Variants in BMPR1B observed in about 807,000 individuals in gnomAD.
BMPR1B encodes the protein bone morphogenetic protein receptor type-1B.
BMPR1B carries 12 observed loss-of-function variants against 59.1 expected under a neutral mutation model. The ratio of observed to expected loss-of-function variants is 0.20; its 90% CI spans 0.13 to 0.33. The LOEUF (loss-of-function observed/expected upper bound fraction) is 0.33. BMPR1B is among the 10% of genes least tolerant of loss of function. The pLI is 1.00. For synonymous variants in BMPR1B, 237 were observed against 207.3 expected, an observed-to-expected ratio of 1.14 and a Z score of -1.23; for missense variants, 550 against 610.9, an observed-to-expected ratio of 0.90 and a Z score of 1.05.
chr4:95,104,251 T>G, intron 3 of BMPR1B, 157 bp from the exon 4 acceptor site: 1 of 858,092 alleles, frequency 1.2e-6, no homozygotes, highest in Non-Finnish European at 1.8e-6. Flanking sequence ...GTAAAAGACA[T>G]GATTTTAATC....
intron 4 of BMPR1B, among the ~76,000 whole-genome samples, chr4:95,109,603 A>G (rs1436068539): frequency 6.6e-6 from 1 of 152,038 alleles, no homozygotes; most frequent in African/African-American, 2.4e-5. Flanking sequence ...CAGGCCATTT[A>G]AATATTGATC....
chr4:94,910,704 T>C (rs1202263159), intron 2 of BMPR1B, among the ~76,000 whole-genome samples: 1 of 151,992 alleles, frequency 6.6e-6, no homozygotes, highest in Non-Finnish European at 1.5e-5. Flanking sequence ...GGCCAGAAGT[T>C]TGAGACCAGC....
At chr4:94,929,304 G>A (rs2149032277) in intron 2 of BMPR1B, among the ~76,000 whole-genome samples, 1 of 152,186 alleles carries the variant, frequency 6.6e-6, no homozygotes, top group East Asian at 1.9e-4. Context: ...GAATCACTTG[G>A]AGCATTTAAT....
In BMPR1B at chr4:94,980,473, C is replaced by A. The variant is rs1358046439; in HGVS notation, c.-112-15567C>A. Among the ~76,000 whole-genome samples the A allele has an allele frequency of 2.0e-5, 3 of 152,152 alleles. No individual in the cohort carries two copies. The East Asian group carries it at 5.8e-4, about 29-fold the overall frequency. On this transcript the variant is annotated intron_variant, in intron 2 of 12. Coordinates refer to ENST00000515059, the MANE Select transcript of BMPR1B (RefSeq NM_001203.3). ...AAAAAAAATTGATTCCCAGCCAAGGCCCCTCTTTGTATGGAGTCTGGCTTT... is the reference window on the plus strand; with the variant it reads ...AAAAAAAATTGATTCCCAGCCAAGGACCCTCTTTGTATGGAGTCTGGCTTT...
chr4:94,937,719 G>GACACACACACACACACAGAC (rs1560556638), intron 2 of BMPR1B, among the ~76,000 whole-genome samples: 187 of 147,706 alleles, frequency 1.3e-3, no homozygotes, highest in African/African-American at 4.1e-3. Context: ...CACACACACA[G>GACACACACACACACACAGAC]ACACACACAC....
At chr4:94,837,156 C>A (rs1724855852) in intron 1 of BMPR1B, among the ~76,000 whole-genome samples, 1 of 146,360 alleles carries the variant, frequency 6.8e-6, no homozygotes, top group Admixed American at 6.8e-5. Flanking sequence ...GTTTTGGTTA[C>A]TGTAGCCTTG....
intron 1 of BMPR1B, among the ~76,000 whole-genome samples, chr4:94,845,621 C>T (rs774586389): frequency 1.3e-5 from 2 of 152,092 alleles, no homozygotes; most frequent in Non-Finnish European, 1.5e-5. Context: ...GGATTACAGG[C>T]GTGAGCCATC....
intron 2 of BMPR1B, among the ~76,000 whole-genome samples, chr4:94,980,070 T>G (rs1291055267): frequency 6.6e-6 from 1 of 152,162 alleles, no homozygotes; most frequent in Non-Finnish European, 1.5e-5. Context: ...TCCCTGTAGC[T>G]CTCTTAAAAG....
At chr4:94,884,092 G>A (rs944815239) in intron 2 of BMPR1B, among the ~76,000 whole-genome samples, 10 of 152,048 alleles carry the variant, frequency 6.6e-5, no homozygotes, top group Non-Finnish European at 1.3e-4. Context: ...CCAATCTAAC[G>A]TCCCCCTTGA....
In BMPR1B at chr4:94,758,080, G is replaced by C. The variant is rs894931155; in HGVS notation, c.-183+12G>C. The C allele has an allele frequency of 6.1e-5, 9 of 148,408 alleles. No homozygotes were observed. Among genetic ancestry groups the C allele is most frequent in the African/African-American group, 2.0e-4 (8 of 40,962 alleles). 9.2% of individuals were successfully genotyped at this position (148,408 alleles called of 1,614,324 possible). A position where few individuals can be genotyped will look rare whatever the true frequency, so the allele number is the denominator to read the frequency against. On this transcript the variant is annotated intron_variant, in intron 1 of 12. Transcript: ENST00000515059. ...GAGCGCAGCCGCGGGTAAGGCGCGCGCGGCGGGGCCCCGTCCCCTGCGGGT... is the reference window on the plus strand; with the variant it reads ...GAGCGCAGCCGCGGGTAAGGCGCGCCCGGCGGGGCCCCGTCCCCTGCGGGT...
At chr4:95,069,801 T>G (rs562804436) in intron 3 of BMPR1B, among the ~76,000 whole-genome samples, 2 of 152,264 alleles carry the variant, frequency 1.3e-5, no homozygotes, top group African/African-American at 4.8e-5. Context: ...AATGGATATT[T>G]TAGAAACTGT....
chr4:95,091,276 T>TTTTTG (rs772890522), intron 3 of BMPR1B, among the ~76,000 whole-genome samples: 104 of 145,086 alleles, frequency 7.2e-4, no homozygotes, highest in African/African-American at 2.3e-3. Flanking sequence ...TTTTCTTTTT[T>TTTTTG]TTTTGTTTTG....
intron 2 of BMPR1B, among the ~76,000 whole-genome samples, chr4:94,926,055 C>CG (rs1728875373): frequency 1.2e-5 from 1 of 82,884 alleles, no homozygotes; most frequent in African/African-American, 6.3e-5. Context: ...CCTACCCTCC[C>CG]TCCCCCCCAA....
chr4:94,818,166 A>G (rs1191698379), intron 1 of BMPR1B, among the ~76,000 whole-genome samples: 2 of 152,214 alleles, frequency 1.3e-5, no homozygotes, highest in Middle Eastern at 3.4e-3. Context: ...TTAAAGGACT[A>G]TTTTATACAA....
intron 1 of BMPR1B, among the ~76,000 whole-genome samples, chr4:94,848,411 T>A (rs937562285): frequency 7.9e-5 from 12 of 152,268 alleles, no homozygotes; most frequent in Admixed American, 5.9e-4. Flanking sequence ...CGTTTTATAT[T>A]GGGGGAAGAC....
intron 10 of BMPR1B, among the ~76,000 whole-genome samples, chr4:95,148,240 A>G (rs891627570): frequency 6.6e-6 from 1 of 152,172 alleles, no homozygotes. Flanking sequence ...TGAAATTGTC[A>G]TGTGTGCATG....
At chr4:94,841,401 A>G (rs542524016) in intron 1 of BMPR1B, among the ~76,000 whole-genome samples, 113 of 151,284 alleles carry the variant, frequency 7.5e-4, no homozygotes, top group African/African-American at 2.7e-3. Context: ...CTGCTGTGCT[A>G]GCAATCAGGG....
chr4:95,122,441 A>AT (rs1732599033), intron 6 of BMPR1B, among the ~76,000 whole-genome samples: 1 of 152,196 alleles, frequency 6.6e-6, no homozygotes, highest in South Asian at 2.1e-4. Context: ...GATGATGGAT[A>AT]TGCTGTCTGA....
At chr4:95,148,374 G>A (rs1734793261) in intron 10 of BMPR1B, among the ~76,000 whole-genome samples, 1 of 152,012 alleles carries the variant, frequency 6.6e-6, no homozygotes, top group Non-Finnish European at 1.5e-5. Flanking sequence ...AATTTTAAAT[G>A]CTGCAGCTTC....
Sources: allele counts gnomAD v4.1 joint callset (sites outside exome capture counted in the v4.1 genomes callset), GRCh38; gene constraint gnomAD v4.1.1; transcripts MANE v1.5; gene names NCBI Gene and HGNC (gene_info 2026-07-23, HGNC 2026-07-21).